MAST4: variants seen among roughly 807,000 people sequenced by gnomAD.
MAST4 encodes the protein microtubule associated serine/threonine kinase family member 4, also known as microtubule-associated serine/threonine-protein kinase 4.
A neutral mutation model predicts 162.7 loss-of-function variants in MAST4; 89 were observed. That is an observed-to-expected ratio of 0.55 (90% CI 0.46 to 0.65). The LOEUF (loss-of-function observed/expected upper bound fraction) is 0.65. Among genes scored for constraint, MAST4 ranks in the 30% least tolerant of loss-of-function variants. The pLI is 0.00. For synonymous variants in MAST4, 1,479 were observed against 1,361.1 expected (o/e 1.09, Z -1.91); for missense variants, 3,153 against 3,374.0 (o/e 0.93, Z 1.62).
chr5:66,639,862 G>A (rs1198092995), intron 1 of MAST4, among the ~76,000 whole-genome samples: 1 of 152,092 alleles, frequency 6.6e-6, no homozygotes, highest in African/African-American at 2.4e-5. Context: ...CACATGACGT[G>A]TTTTTATATT....
intron 4 of MAST4, among the ~76,000 whole-genome samples, chr5:66,983,350 G>A (rs1749090370): frequency 6.6e-6 from 1 of 152,164 alleles, no homozygotes. Context: ...CTTTGTTCCA[G>A]AATCTGTATG....
At chr5:66,597,118 T>C in intron 1 of MAST4, 100 bp downstream of exon 1, 1 of 1,254,076 alleles carries the variant, frequency 8.0e-7, no homozygotes, top group South Asian at 3.0e-5. Flanking sequence ...CGCTGTGGCC[T>C]GGAGATAGGG....
intron 1 of MAST4, among the ~76,000 whole-genome samples, chr5:66,752,775 C>G (rs1753266879): frequency 1.3e-5 from 2 of 149,160 alleles, no homozygotes; most frequent in African/African-American, 4.9e-5. Context: ...GAATTGAACT[C>G]AGCTCTGCAC....
intron 5 of MAST4, among the ~76,000 whole-genome samples, chr5:67,078,911 A>AATAAGTATATATATATATAATAT (rs1227485756): frequency 2.6e-5 from 1 of 38,110 alleles, no homozygotes; most frequent in Non-Finnish European, 4.4e-5. Context: ...TTTTTATATA[A>AATAAGTATATATATATATAATAT]ATATATATAT....
chr5:66,761,921 T>A (rs1753869298), intron 2 of MAST4, among the ~76,000 whole-genome samples: 1 of 152,260 alleles, frequency 6.6e-6, no homozygotes, highest in African/African-American at 2.4e-5. Flanking sequence ...AGACTCATCC[T>A]TTTATTTATT....
At position 67,090,206 on chromosome 5, in the gene MAST4, T is replaced by A; in HGVS notation, c.808T>A (p.Ser270Thr). ...TCCAAGAAATTTCTCCCCCAGTGCC[T>A]CAGCCCATTTTTCATTTGCACGGAG... Reference protein sequence around the residue: ...DSPRNFSPSASAHFSFARRTD... With the variant: ...DSPRNFSPSATAHFSFARRTD... The change falls in exon 6 of 29, where the codon TCA becomes ACA. Residue 270 changes from serine (S) to threonine (T), a missense_variant. Ser to Thr is a moderately conservative substitution (Grantham distance 58, BLOSUM62 1). This residue lies in a region of MAST4 where 360 missense variants were observed against 450.0 expected (regional missense o/e 0.80). Transcript: ENST00000403625. The A allele has an allele frequency of 6.2e-7, 1 of 1,612,840 alleles. No homozygotes were observed. The highest frequency in any genetic ancestry group is 8.5e-7 in the Non-Finnish European group (1 of 1,179,264).
At chr5:67,155,237 A>G (rs1318194764) in intron 26 of MAST4, among the ~76,000 whole-genome samples, 1 of 152,164 alleles carries the variant, frequency 6.6e-6, no homozygotes, top group African/African-American at 2.4e-5. Flanking sequence ...TGCATAGGCA[A>G]ACTTGTCCAA....
chr5:66,940,940 A>G (rs757314445), intron 4 of MAST4, among the ~76,000 whole-genome samples: 7 of 152,166 alleles, frequency 4.6e-5, no homozygotes, highest in African/African-American at 9.7e-5. Flanking sequence ...AAACAATATC[A>G]ATTTCTTTGT....
At chr5:66,667,520 G>C (rs950598522) in intron 1 of MAST4, among the ~76,000 whole-genome samples, 1 of 152,102 alleles carries the variant, frequency 6.6e-6, no homozygotes, top group Admixed American at 6.6e-5. Flanking sequence ...CCAGAACTAG[G>C]TCCCCAAATG....
intron 4 of MAST4, among the ~76,000 whole-genome samples, chr5:66,993,276 A>G (rs1192491707): frequency 6.6e-6 from 1 of 152,224 alleles, no homozygotes; most frequent in African/African-American, 2.4e-5. Flanking sequence ...AGTTGGAAAA[A>G]TAGAAAAATA....
intron 1 of MAST4, among the ~76,000 whole-genome samples, chr5:66,693,924 A>G (rs556921336): frequency 6.6e-6 from 1 of 152,344 alleles, no homozygotes; most frequent in East Asian, 1.9e-4. Flanking sequence ...GATTTGCTCC[A>G]ACACTGAAGT....
intron 3 of MAST4, among the ~76,000 whole-genome samples, chr5:66,807,262 C>T (rs1022938055): frequency 3.2e-4 from 49 of 151,822 alleles, no homozygotes; most frequent in African/African-American, 1.0e-3. Context: ...TTTGGGAGGC[C>T]GAGGCGGGTG....
Position 67,163,970 on chromosome 5 carries a change from A to G in MAST4, c.4791A>G (p.Pro1597=). The G allele has an allele frequency of 6.2e-7, 1 of 1,609,806 alleles. No homozygotes were observed. The highest frequency in any genetic ancestry group is 8.5e-7 in the Non-Finnish European group (1 of 1,178,108). Residue 1597 remains proline (P), a synonymous_variant, in exon 29 of 29, where the codon CCA becomes CCG. Coordinates refer to ENST00000403625, the MANE Select transcript of MAST4 (RefSeq NM_001164664.2). This position sits in a 1 kb window ranked among gnomAD's most constrained non-coding sequence, Gnocchi z 7.0. The part of the protein sequence containing the change: ...FENKASMQEA[P]PLGSLLKDAL... ...ACAAAGCGTCTATGCAGGAGGCGCC[A>G]CCGCTGGGCAGCCTGCTGAAGGATG...
At chr5:66,881,258 G>A (rs778560147) in intron 3 of MAST4, among the ~76,000 whole-genome samples, 1 of 152,014 alleles carries the variant, frequency 6.6e-6, no homozygotes, top group Non-Finnish European at 1.5e-5. Flanking sequence ...CAGCTGTTTT[G>A]GTTTTTCTGG....
chr5:66,882,655 C>T (rs1301628125), intron 3 of MAST4, among the ~76,000 whole-genome samples: 2 of 152,016 alleles, frequency 1.3e-5, no homozygotes, highest in Non-Finnish European at 2.9e-5. Context: ...ATACATTTGC[C>T]ACTGTATCCT....
At chr5:66,686,856 A>G (rs994757461) in intron 1 of MAST4, among the ~76,000 whole-genome samples, 16 of 152,236 alleles carry the variant, frequency 1.1e-4, no homozygotes, top group Admixed American at 5.2e-4. Flanking sequence ...TGCCATGTAC[A>G]TAGAAGACAT....
At chr5:66,807,980 T>C (rs1029937716) in intron 3 of MAST4, among the ~76,000 whole-genome samples, 2 of 152,216 alleles carry the variant, frequency 1.3e-5, no homozygotes, top group African/African-American at 4.8e-5. Context: ...AAGGATAATG[T>C]TTACTGTGCC....
intron 1 of MAST4, among the ~76,000 whole-genome samples, chr5:66,670,500 G>A (rs927647551): frequency 3.9e-5 from 6 of 152,042 alleles, no homozygotes; most frequent in Non-Finnish European, 8.8e-5. Context: ...TGGTGAACAC[G>A]AACTGTATTA....
rs554102328 is a variant in MAST4, at chr5:67,165,429, G to A, written c.6250G>A (p.Glu2084Lys). 2.2e-5 allele frequency: 35 copies of A among 1,613,776 alleles called. No individual in the cohort carries two copies. The highest frequency in any genetic ancestry group is 5.3e-5 in the African/African-American group (4 of 74,928). The change falls in exon 29 of 29, where the codon GAA (glutamate) becomes AAA (lysine). Residue 2084 changes from glutamate (E) to lysine (K), a missense_variant. By Grantham distance (56) the Glu-to-Lys change is moderately conservative. This residue lies in a region of MAST4 where 1,644 missense variants were observed against 1,495.0 expected (regional missense o/e 1.10). Coordinates refer to ENST00000403625, the MANE Select transcript of MAST4 (RefSeq NM_001164664.2). ...GAGGCGTGGCGTGGAACCCAAGCCC[G>A]AAGCGCTTCTTGCCAGGCGGTCTCT... Reference protein sequence around the residue: ...KVRRGVEPKPEALLARRSLQP... With the variant: ...KVRRGVEPKPKALLARRSLQP...
Sources: gnomAD v4.1 joint callset for allele counts (sites outside exome capture counted in the v4.1 genomes callset) on GRCh38, gnomAD v4.1.1 for gene constraint, gnomAD v4.1.1 regional missense constraint, Gnocchi (gnomAD v3.1) non-coding constraint, MANE v1.5 for transcripts, NCBI Gene and HGNC (gene_info 2026-07-23, HGNC 2026-07-21) for gene names.